Variants in DOCK9 observed in about 807,000 individuals in gnomAD.
DOCK9 encodes the protein dedicator of cytokinesis 9.
A neutral mutation model predicts 263.3 loss-of-function variants in DOCK9; 89 were observed. The ratio of observed to expected loss-of-function variants is 0.34; its 90% CI spans 0.28 to 0.40. The LOEUF is 0.40. DOCK9 is among the 10% of genes least tolerant of loss of function. The probability of loss-of-function intolerance (pLI) is 1.00; values close to 1 mark genes in which losing one functional copy is unlikely to be tolerated. For synonymous variants in DOCK9, 976 were observed against 973.1 expected (o/e 1.00, Z -0.06); for missense variants, 2,140 against 2,603.4 (o/e 0.82, Z 3.87).
At chr13:98,963,775 C>G (rs768548920) in intron 1 of DOCK9, among the ~76,000 whole-genome samples, 1 of 152,212 alleles carries the variant, frequency 6.6e-6, no homozygotes, top group African/African-American at 2.4e-5. Flanking sequence ...GCCAACAGGA[C>G]ACCAGTACTG....
rs568359881 is a variant in DOCK9, at chr13:98,995,137, AGT to A, written c.130-39588_130-39587del. On this transcript the variant is annotated intron_variant, in intron 1 of 32. Transcript: ENST00000427887. ...GGCCCATCAGTCATTACAGACTCCAAGTCACACCATGACAGAAACAAAACACC... is the reference window on the plus strand; with the variant it reads ...GGCCCATCAGTCATTACAGACTCCAACACACCATGACAGAAACAAAACACC... 6.6e-5 allele frequency among the ~76,000 whole-genome samples: 10 copies of A among 152,368 alleles called. No individual in the cohort carries two copies. In the South Asian group the frequency reaches 2.1e-3, roughly 32 times the overall value.
At chr13:98,883,289 C>T (rs897096977) in intron 22 of DOCK9, among the ~76,000 whole-genome samples, 158 bp from the exon 23 acceptor site, 4 of 152,024 alleles carry the variant, frequency 2.6e-5, no homozygotes, top group African/African-American at 9.7e-5. Context: ...GCTCTGTCGC[C>T]CTGGCTGGGG....
intron 2 of DOCK9, among the ~76,000 whole-genome samples, chr13:98,942,376 C>G (rs1204809656): frequency 1.3e-5 from 2 of 151,844 alleles, no homozygotes; most frequent in African/African-American, 2.4e-5. Context: ...GTAGCTGGGA[C>G]TACAGGCACC....
intron 1 of DOCK9, among the ~76,000 whole-genome samples, chr13:99,059,038 G>A (rs1471079262): frequency 6.6e-6 from 1 of 152,074 alleles, no homozygotes; most frequent in African/African-American, 2.4e-5. Flanking sequence ...CTCCTGTGAG[G>A]TCCTCTCTCC....
At chr13:98,995,321 G>A (rs1880751265) in intron 1 of DOCK9, among the ~76,000 whole-genome samples, 1 of 152,126 alleles carries the variant, frequency 6.6e-6, no homozygotes, top group South Asian at 2.1e-4. Flanking sequence ...GAGATGTGCT[G>A]ACCAGGCTTT....
At chr13:98,822,548 A>G (rs530662813) in intron 45 of DOCK9, among the ~76,000 whole-genome samples, 2 of 152,352 alleles carry the variant, frequency 1.3e-5, no homozygotes, top group African/African-American at 2.4e-5. Context: ...GAGACAATGC[A>G]GTCATGCCTC....
intron 1 of DOCK9, among the ~76,000 whole-genome samples, chr13:99,004,784 GACACACACACACAC>G (rs10533387): frequency 1.4e-5 from 2 of 148,038 alleles, no homozygotes; most frequent in African/African-American, 5.0e-5. Flanking sequence ...AAAAACTATA[GACACACACACACAC>G]ACACACACAC....
intron 1 of DOCK9, among the ~76,000 whole-genome samples, chr13:98,994,516 C>T (rs192537174): frequency 2.1e-4 from 32 of 152,276 alleles, no homozygotes; most frequent in African/African-American, 6.7e-4. Context: ...CCAATCCTAC[C>T]GGGAGAATTA....
rs572637091 is a variant in DOCK9, at chr13:98,931,424, G to A, written c.244-1167C>T. Among the ~76,000 whole-genome samples, 936 of 151,644 alleles carry A rather than the reference G, an allele frequency of 6.2e-3. 7 individuals are homozygous for A. The highest frequency in any genetic ancestry group is 9.6e-3 in the Non-Finnish European group (651 of 67,866). On this transcript the variant is annotated intron_variant, in intron 2 of 52. Coordinates refer to ENST00000682017, the MANE Select transcript of DOCK9 (RefSeq NM_001366683.2). ...CGCCATTCTTCTGCCTCAGCCTCCC[G>A]AGCAGCTGGGACTACAGGCGCCTGC...
At chr13:98,803,624 T>C (rs1451055752) in intron 49 of DOCK9, among the ~76,000 whole-genome samples, 1 of 152,106 alleles carries the variant, frequency 6.6e-6, no homozygotes, top group Non-Finnish European at 1.5e-5. Context: ...AGGAAAGTTA[T>C]CACAGCTGAA....
intron 1 of DOCK9, among the ~76,000 whole-genome samples, chr13:99,024,128 T>A (rs949210526): frequency 6.6e-6 from 1 of 152,180 alleles, no homozygotes; most frequent in African/African-American, 2.4e-5. Context: ...TAAATGCTGA[T>A]GCTGTATCAA....
intron 1 of DOCK9, among the ~76,000 whole-genome samples, chr13:99,052,701 A>G (rs1286747019): frequency 6.6e-6 from 1 of 151,694 alleles, no homozygotes; most frequent in Non-Finnish European, 1.5e-5. Flanking sequence ...CCTGGGCTCA[A>G]GTGGTCCTCC....
chr13:98,874,362 G>C (rs755864880), intron 27 of DOCK9, among the ~76,000 whole-genome samples: 16 of 152,164 alleles, frequency 1.1e-4, no homozygotes, highest in Middle Eastern at 3.2e-3. Context: ...ATTGTGTGGA[G>C]TTACCACAAT....
chr13:98,862,132 C>A (rs2093890609), intron 32 of DOCK9, among the ~76,000 whole-genome samples: 1 of 152,152 alleles, frequency 6.6e-6, no homozygotes, highest in African/African-American at 2.4e-5. Flanking sequence ...ACATGGTTTT[C>A]ATACTTATTT....
At chr13:98,813,194 T>C (rs545347609) in intron 45 of DOCK9, among the ~76,000 whole-genome samples, 17 of 152,336 alleles carry the variant, frequency 1.1e-4, no homozygotes, top group African/African-American at 4.1e-4. Context: ...CTTATGTGAA[T>C]ATGGAAAGAT....
At chr13:98,967,984 T>C (rs138474856) in intron 1 of DOCK9, among the ~76,000 whole-genome samples, 28 of 151,782 alleles carry the variant, frequency 1.8e-4, no homozygotes, top group African/African-American at 4.8e-4. Context: ...AAATCACAAA[T>C]ATTTTTCCTC....
rs773357913 is a variant in DOCK9 at position 98,817,313 on chromosome 13, G to GT, written c.5131-7023dup. Reference sequence around the variant, plus strand: ...TTCCCCTTCACCTTCTGCCATGATTGTAAGTTACCTGACGCCTCCTAGCCA... The same window carrying GT: ...TTCCCCTTCACCTTCTGCCATGATTGTTAAGTTACCTGACGCCTCCTAGCCA... On this transcript the variant is annotated intron_variant, in intron 45 of 52. Transcript: ENST00000682017. 5.3e-5 allele frequency among the ~76,000 whole-genome samples: 8 copies of GT among 152,236 alleles called. No individual in the cohort carries two copies. In the East Asian group the frequency reaches 1.5e-3, roughly 29 times the overall value.
At chr13:98,839,802 G>A (rs1485933594) in intron 38 of DOCK9, among the ~76,000 whole-genome samples, 2 of 152,212 alleles carry the variant, frequency 1.3e-5, no homozygotes, top group Non-Finnish European at 2.9e-5. Flanking sequence ...TGCTAATTAA[G>A]TTATTATATA....
intron 1 of DOCK9, among the ~76,000 whole-genome samples, chr13:99,048,012 C>A (rs1407580681): frequency 2.0e-5 from 3 of 152,186 alleles, no homozygotes; most frequent in South Asian, 2.1e-4. Context: ...TCACCCTGGG[C>A]AGGCCTCCAG....
Sources: allele counts gnomAD v4.1 joint callset (sites outside exome capture counted in the v4.1 genomes callset), GRCh38; gene constraint gnomAD v4.1.1; transcripts MANE v1.5; gene names NCBI Gene and HGNC (gene_info 2026-07-23, HGNC 2026-07-21).